ITPRID1: variants seen among roughly 807,000 people sequenced by gnomAD.
The protein encoded by ITPRID1 is protein ITPRID1.
ITPRID1 carries 96 observed loss-of-function variants against 95.4 expected under a neutral mutation model. The ratio of observed to expected loss-of-function variants is 1.01; its 90% CI spans 0.85 to 1.19. ITPRID1 has a LOEUF of 1.19. Among genes scored for constraint, ITPRID1 ranks in the 50% most tolerant of loss-of-function variants. The pLI is 0.00. For missense variants in ITPRID1, 1,339 were observed against 1,252.9 expected (o/e 1.07, Z -1.04); for synonymous variants, 510 against 453.6 (o/e 1.12, Z -1.58).
chr7:31,589,160 C>A (rs949435700), intron 10 of ITPRID1, among the ~76,000 whole-genome samples: 3 of 151,844 alleles, frequency 2.0e-5, no homozygotes, highest in Non-Finnish European at 2.9e-5. Flanking sequence ...AATGGAAATT[C>A]TGTAAATAAA....
At chr7:31,595,898 G>T (rs1786068892) in intron 10 of ITPRID1, among the ~76,000 whole-genome samples, 1 of 151,674 alleles carries the variant, frequency 6.6e-6, no homozygotes, top group Non-Finnish European at 1.5e-5. Flanking sequence ...ATAAAGAAAA[G>T]AAATGTAGTC....
At chr7:31,607,888 CTGTTTT>C (rs1162445205) in intron 10 of ITPRID1, among the ~76,000 whole-genome samples, 12 of 151,862 alleles carry the variant, frequency 7.9e-5, no homozygotes, top group African/African-American at 2.9e-4. Context: ...AAATTTATTT[CTGTTTT>C]TATGTATTTA....
At chr7:31,573,074 G>A (rs1265818449) in intron 7 of ITPRID1, among the ~76,000 whole-genome samples, 1 of 152,116 alleles carries the variant, frequency 6.6e-6, no homozygotes, top group African/African-American at 2.4e-5. Context: ...CAAGTGATTG[G>A]CATTCCTGAT....
intron 13 of ITPRID1, 79 bp from the exon 14 acceptor site, chr7:31,651,860 C>A: frequency 1.1e-6 from 1 of 946,456 alleles, no homozygotes. Flanking sequence ...AAGGAAGAAC[C>A]TATATTATGA....
At chr7:31,549,377 C>T in intron 1 of ITPRID1, 49 bp from the exon 2 acceptor site, 1 of 1,292,564 alleles carries the variant, frequency 7.7e-7, no homozygotes, top group Non-Finnish European at 1.0e-6. Context: ...AGTTTATTTT[C>T]TGTGAGACAA....
chr7:31,617,946 G>A (rs1458776812), intron 10 of ITPRID1, among the ~76,000 whole-genome samples: 7 of 152,172 alleles, frequency 4.6e-5, no homozygotes, highest in Admixed American at 4.6e-4. Context: ...TAAAGAAAAT[G>A]GTAGGAAATG....
intron 10 of ITPRID1, among the ~76,000 whole-genome samples, chr7:31,619,992 G>C (rs1787670638): frequency 1.3e-5 from 2 of 152,198 alleles, no homozygotes; most frequent in African/African-American, 4.8e-5. Flanking sequence ...CGCCCACGGA[G>C]TCTCGCTGAT....
chr7:31,647,707 A>AGAAGAAGACGATGACGAC (rs1790608868), intron 12 of ITPRID1, among the ~76,000 whole-genome samples: 1 of 149,852 alleles, frequency 6.7e-6, no homozygotes. Context: ...AAGAGGAAGA[A>AGAAGAAGACGATGACGAC]GAAGACGATG....
At chr7:31,656,684 G>A (rs914272884), downstream of ITPRID1, among the ~76,000 whole-genome samples, 1 of 152,188 alleles carries the variant, frequency 6.6e-6, no homozygotes, top group Non-Finnish European at 1.5e-5. Flanking sequence ...ACTGAGTTTA[G>A]ATTGTAAAAA....
chr7:31,597,955 A>C (rs1786158272), intron 10 of ITPRID1, among the ~76,000 whole-genome samples: 1 of 152,204 alleles, frequency 6.6e-6, no homozygotes, highest in South Asian at 2.1e-4. Flanking sequence ...AACAGCTCAG[A>C]AGTAGACTCC....
chr7:31,624,680 C>T (rs1434619876), intron 10 of ITPRID1, among the ~76,000 whole-genome samples: 1 of 150,118 alleles, frequency 6.7e-6, no homozygotes, highest in Non-Finnish European at 1.5e-5. Context: ...TAGAAGAAAA[C>T]CTAGGCATTA....
chr7:31,650,792 A>T (rs1051557145), intron 12 of ITPRID1, among the ~76,000 whole-genome samples: 1 of 152,098 alleles, frequency 6.6e-6, no homozygotes. Context: ...GATTAAACAG[A>T]CTCAATTTCT....
At chr7:31,623,390 A>C (rs1444565922) in intron 10 of ITPRID1, among the ~76,000 whole-genome samples, 1 of 151,764 alleles carries the variant, frequency 6.6e-6, no homozygotes, top group Non-Finnish European at 1.5e-5. Context: ...GCAGCACATC[A>C]AAAAGCTTAT....
In ITPRID1 at chr7:31,645,673, T is replaced by C. The variant is rs1218297564; in HGVS notation, c.2583+1720T>C. On this transcript the variant is annotated intron_variant, in intron 12 of 14. Coordinates refer to ENST00000615280, the MANE Select transcript of ITPRID1 (RefSeq NM_001257967.3). ...GATTTTAAATGCCCTAAGTAAATGG[T>C]TTTCAACTGGGGATAATTTCCCACC... 4.6e-5 allele frequency among the ~76,000 whole-genome samples: 7 copies of C among 152,028 alleles called. No homozygotes were observed. In the East Asian group the frequency reaches 1.3e-3, roughly 29 times the overall value.
intron 1 of ITPRID1, among the ~76,000 whole-genome samples, chr7:31,530,913 G>C (rs529763399): frequency 6.6e-6 from 1 of 152,292 alleles, no homozygotes; most frequent in South Asian, 2.1e-4. Flanking sequence ...TCAGACACCA[G>C]AGTACTGCCT....
chr7:31,581,738 A>C (rs963410016), intron 9 of ITPRID1, among the ~76,000 whole-genome samples: 12 of 152,138 alleles, frequency 7.9e-5, no homozygotes, highest in Non-Finnish European at 1.3e-4. Context: ...TTCAAAAGAC[A>C]AACATGTGCT....
chr7:31,596,895 A>G (rs568072902), intron 10 of ITPRID1, among the ~76,000 whole-genome samples: 1 of 152,040 alleles, frequency 6.6e-6, no homozygotes, highest in South Asian at 2.1e-4. Context: ...ATGATAAAAT[A>G]CAGTAGAAGT....
At chr7:31,625,362 G>A (rs1276527220) in intron 10 of ITPRID1, among the ~76,000 whole-genome samples, 3 of 151,788 alleles carry the variant, frequency 2.0e-5, no homozygotes, top group African/African-American at 7.3e-5. Flanking sequence ...GCAAAGACTT[G>A]GAACCAACCC....
chr7:31,657,655 A>G (rs575153377), downstream of ITPRID1, among the ~76,000 whole-genome samples: 1 of 152,256 alleles, frequency 6.6e-6, no homozygotes, highest in South Asian at 2.1e-4. Context: ...CTATTCCATT[A>G]TCAAGTCCCA....
Sources: allele counts gnomAD v4.1 joint callset (sites outside exome capture counted in the v4.1 genomes callset), GRCh38; gene constraint gnomAD v4.1.1; transcripts MANE v1.5; gene names NCBI Gene and HGNC (gene_info 2026-07-23, HGNC 2026-07-21).